Variants in NEK4 observed in about 807,000 individuals in gnomAD.
The protein encoded by NEK4 is serine/threonine-protein kinase Nek4.
NEK4 carries 86 observed loss-of-function variants against 98.4 expected under a neutral mutation model. The observed-to-expected ratio is 0.87, with a 90% CI of 0.73 to 1.05. The LOEUF (loss-of-function observed/expected upper bound fraction) is 1.05. Among genes scored for constraint, NEK4 ranks in the 50% least tolerant of loss-of-function variants. The pLI is 0.00. For synonymous variants in NEK4, 328 were observed against 342.2 expected, an observed-to-expected ratio of 0.96 and a Z score of 0.46; for missense variants, 898 against 950.3, an observed-to-expected ratio of 0.94 and a Z score of 0.72.
At chr3:52,751,025 G>A (rs1253344469) in intron 7 of NEK4, among the ~76,000 whole-genome samples, 2 of 152,100 alleles carry the variant, frequency 1.3e-5, no homozygotes, top group African/African-American at 4.8e-5. Flanking sequence ...AGTAAAAGAA[G>A]GCAGGCCAGG....
intron 15 of NEK4, among the ~76,000 whole-genome samples, chr3:52,721,269 T>C (rs1435370248): frequency 3.9e-5 from 6 of 152,218 alleles, no homozygotes; most frequent in African/African-American, 1.2e-4. Flanking sequence ...AGTACAGATA[T>C]AGAAGCAGGA....
chr3:52,746,285 T>G, intron 9 of NEK4, 75 bp from the exon 10 acceptor site: 22 of 1,396,990 alleles, frequency 1.6e-5, no homozygotes, highest in Non-Finnish European at 2.1e-5. Flanking sequence ...GCAGGTTCTC[T>G]ATGTATTTGT....
chr3:52,725,393 T>TA (rs1406536409), intron 15 of NEK4, among the ~76,000 whole-genome samples: 1 of 152,004 alleles, frequency 6.6e-6, no homozygotes, highest in Non-Finnish European at 1.5e-5. Context: ...CGGGCACCTG[T>TA]AGTCCCAGCT....
At chr3:52,736,790 A>C (rs2097376691) in intron 15 of NEK4, among the ~76,000 whole-genome samples, 1 of 152,214 alleles carries the variant, frequency 6.6e-6, no homozygotes, top group Non-Finnish European at 1.5e-5. Flanking sequence ...ATTAGTCTTT[A>C]TCAGAATAAA....
rs1553616669 is a variant in NEK4, at chr3:52,752,917, A to AAT, written c.964-583_964-582dup. Among the ~76,000 whole-genome samples, 127 of 83,942 alleles carry AAT rather than the reference A, an allele frequency of 1.5e-3. 4 individuals carry two copies. The highest frequency in any genetic ancestry group is 2.9e-3 in the East Asian group (9 of 3,118). 55.1% of individuals were successfully genotyped at this position (83,942 alleles called of 152,430 possible). On this transcript the variant is annotated intron_variant, in intron 6 of 15. Coordinates refer to ENST00000233027, the MANE Select transcript of NEK4 (RefSeq NM_003157.6). ...CCCTGCCTCAAAAAAAAAAAAAAAA[A>AAT]ATATATATATATATATACACACACA...
chr3:52,740,923 CA>C (rs1017795283), intron 13 of NEK4, among the ~76,000 whole-genome samples: 34 of 146,316 alleles, frequency 2.3e-4, no homozygotes, highest in East Asian at 1.4e-3. Flanking sequence ...GGAAGAAGTC[CA>C]AAAAAAAAAT....
intron 13 of NEK4, among the ~76,000 whole-genome samples, chr3:52,740,177 G>C (rs2097383259): frequency 6.6e-6 from 1 of 152,282 alleles, no homozygotes; most frequent in African/African-American, 2.4e-5. Context: ...GATGGGCAAA[G>C]AAGCAGGAAA....
intron 15 of NEK4, among the ~76,000 whole-genome samples, chr3:52,728,886 C>T (rs556545024): frequency 6.6e-6 from 1 of 152,182 alleles, no homozygotes; most frequent in South Asian, 2.1e-4. Context: ...CTGAAATATG[C>T]CCTGGTCTCC....
intron 1 of NEK4, among the ~76,000 whole-genome samples, chr3:52,769,024 A>C (rs1338260546): frequency 6.6e-6 from 1 of 152,156 alleles, no homozygotes; most frequent in African/African-American, 2.4e-5. Context: ...GTTCAAGACC[A>C]GCCTGGTCAA....
chr3:52,763,690 A>G lies in NEK4; in HGVS notation c.667-66T>C, dbSNP rs570201908. On this transcript the variant is annotated intron_variant, in intron 4 of 15. Coordinates refer to ENST00000233027, the MANE Select transcript of NEK4 (RefSeq NM_003157.6). Reference sequence around the variant, plus strand: ...TGTGAAACAAAGTAAAAGCTGGTAGAGGTTTCCCAATATTTATTTATAGTC... The same window carrying G: ...TGTGAAACAAAGTAAAAGCTGGTAGGGGTTTCCCAATATTTATTTATAGTC... 3.0e-5 allele frequency: 37 copies of G among 1,213,404 alleles called. No individual in the cohort carries two copies. The African/African-American group carries it at 4.7e-4, about 15-fold the overall frequency. 75.2% of individuals were successfully genotyped at this position (1,213,404 alleles called of 1,614,324 possible). A position where few individuals can be genotyped will look rare whatever the true frequency, so the allele number is the denominator to read the frequency against.
chr3:52,716,277 C>T (rs56837675), intron 15 of NEK4, among the ~76,000 whole-genome samples: 8,464 of 152,268 alleles, frequency 0.056, 506 homozygotes, highest in African/African-American at 0.15. Context: ...CAGCCACAGA[C>T]GTTTCTGGCT....
At chr3:52,770,619 GC>G in intron 1 of NEK4, 34 bp downstream of exon 1, 3 of 954,752 alleles carry the variant, frequency 3.1e-6, no homozygotes, top group Non-Finnish European at 3.2e-6. Flanking sequence ...ACTTCTGCCC[GC>G]CCCCGCCCCT....
intron 12 of NEK4, among the ~76,000 whole-genome samples, chr3:52,742,258 C>T (rs1262969604): frequency 8.0e-5 from 12 of 149,996 alleles, no homozygotes; most frequent in African/African-American, 2.9e-4. Context: ...TTTTTGGATA[C>T]AGGGGTGTCA....
Position 52,765,968 on chromosome 3 carries a change from A to T in NEK4, c.585T>A (p.Cys195Ter). ...GCTTCAAGGTGGCCATTTCATAGACACAGCATCCTAGAGCCCAAACATCAG... is the reference window on the plus strand; with the variant it reads ...GCTTCAAGGTGGCCATTTCATAGACTCAGCATCCTAGAGCCCAAACATCAG... ...YKSDVWALGC[C>*]VYEMATLKHA... Residue 195 changes from cysteine to a stop codon, truncating the protein, a stop_gained, in exon 4 of 16, where the codon TGT becomes TGA. Coordinates refer to ENST00000233027, the MANE Select transcript of NEK4 (RefSeq NM_003157.6). LOFTEE classifies it high-confidence loss of function. 6.2e-7 allele frequency: 1 copy of T among 1,611,674 alleles called. No individual in the cohort carries two copies. Among genetic ancestry groups the T allele is most frequent in the Non-Finnish European group, 8.5e-7 (1 of 1,177,764 alleles).
At chr3:52,739,395 T>C in intron 14 of NEK4, 34 bp downstream of exon 14, 1 of 1,584,464 alleles carries the variant, frequency 6.3e-7, no homozygotes, top group Non-Finnish European at 8.7e-7. Context: ...TGAGACTCCG[T>C]CTAAAAAACA....
At chr3:52,757,702 G>A (rs1003473324) in intron 6 of NEK4, among the ~76,000 whole-genome samples, 1 of 152,142 alleles carries the variant, frequency 6.6e-6, no homozygotes, top group African/African-American at 2.4e-5. Context: ...ACAAAACGTG[G>A]GATATACATG....
At position 52,739,353 on chromosome 3, in the gene NEK4, C is replaced by G; in HGVS notation, c.2299+76G>C. ...GGCAAAGGTTGCAGTGAGCCAAGAT[C>G]ACACTACTGCACTCCAGCCTGGGTG... On this transcript the variant is annotated intron_variant, in intron 14 of 15. Coordinates refer to ENST00000233027, the MANE Select transcript of NEK4 (RefSeq NM_003157.6). 1.3e-5 allele frequency: 16 copies of G among 1,258,984 alleles called. No individual in the cohort carries two copies. The South Asian group carries it at 2.0e-4, about 16-fold the overall frequency. The allele number at this position is 1,258,984 out of a possible 1,614,324, so 78.0% of individuals were successfully genotyped here. A position where few individuals can be genotyped will look rare whatever the true frequency, so the allele number is the denominator to read the frequency against.
At chr3:52,731,943 G>T (rs907878946) in intron 15 of NEK4, among the ~76,000 whole-genome samples, 1 of 152,174 alleles carries the variant, frequency 6.6e-6, no homozygotes, top group African/African-American at 2.4e-5. Context: ...GAGATCTGAC[G>T]GTTTTATGAA....
intron 15 of NEK4, among the ~76,000 whole-genome samples, chr3:52,731,498 G>A (rs1374376720): frequency 6.6e-6 from 1 of 152,228 alleles, no homozygotes; most frequent in Admixed American, 6.5e-5. Context: ...TGAGAGTCCA[G>A]AAATAAGCCC....
Sources: allele counts gnomAD v4.1 joint callset (sites outside exome capture counted in the v4.1 genomes callset), GRCh38; gene constraint gnomAD v4.1.1; transcripts MANE v1.5; gene names NCBI Gene and HGNC (gene_info 2026-07-23, HGNC 2026-07-21).